The following GCA variants were observed in gnomAD, a reference collection of about 807,000 sequenced individuals.
GCA encodes grancalcin, EF-hand calcium-binding protein.
GCA carries 30 observed loss-of-function variants against 32.6 expected under a neutral mutation model. The observed-to-expected ratio is 0.92, with a 90% confidence interval of 0.69 to 1.25. GCA has a LOEUF of 1.25. GCA is among the 50% of genes most tolerant of loss of function. The pLI is 0.00. For synonymous variants in GCA, 102 were observed against 84.6 expected (o/e 1.21, Z -1.13); for missense variants, 291 against 266.8 (o/e 1.09, Z -0.63).
At chr2:162,319,997 G>A (rs530811198) in intron 1 of GCA, among the ~76,000 whole-genome samples, 2 of 152,114 alleles carry the variant, frequency 1.3e-5, no homozygotes, top group African/African-American at 4.8e-5. Context: ...ATCTTATGTA[G>A]CAAGGCTTTT....
intron 7 of GCA, among the ~76,000 whole-genome samples, chr2:162,359,787 AT>A (rs1413290454): frequency 6.6e-6 from 1 of 151,134 alleles, no homozygotes; most frequent in Non-Finnish European, 1.5e-5. Flanking sequence ...GGTTTTTTGA[AT>A]TAAAAAAAAA....
At chr2:162,350,805 G>A (rs76502311) in intron 2 of GCA, among the ~76,000 whole-genome samples, 1 of 152,048 alleles carries the variant, frequency 6.6e-6, no homozygotes, top group African/African-American at 2.4e-5. Context: ...TTCCCTACTT[G>A]ACAGGTAGAT....
chr2:162,340,966 C>G (rs1209115026), upstream of GCA, among the ~76,000 whole-genome samples: 3 of 152,060 alleles, frequency 2.0e-5, no homozygotes, highest in Non-Finnish European at 2.9e-5. Context: ...TTAACCTTGA[C>G]TTAGGTTTCC....
chr2:162,354,300 T>A (rs1460713049), intron 3 of GCA, among the ~76,000 whole-genome samples: 1 of 152,172 alleles, frequency 6.6e-6, no homozygotes, highest in Non-Finnish European at 1.5e-5. Context: ...GGTGTCAGTA[T>A]CTTTAGGGAT....
downstream of GCA, chr2:162,371,683 A>G (rs913353313): frequency 6.8e-6 from 6 of 888,360 alleles, no homozygotes; most frequent in African/African-American, 1.0e-4. Flanking sequence ...TTACCTTACA[A>G]GCTTCAATTT....
At chr2:162,322,328 T>G (rs973837039) in intron 1 of GCA, among the ~76,000 whole-genome samples, 5 of 151,646 alleles carry the variant, frequency 3.3e-5, no homozygotes, top group Admixed American at 6.6e-5. Flanking sequence ...CCTGCAAATG[T>G]TTTTGTGAAA....
intron 2 of GCA, among the ~76,000 whole-genome samples, chr2:162,350,329 A>G (rs543536105): frequency 1.6e-4 from 24 of 152,306 alleles, no homozygotes; most frequent in Non-Finnish European, 2.2e-4. Flanking sequence ...ATAAAGACCT[A>G]TAGATAGGGA....
downstream of GCA, among the ~76,000 whole-genome samples, chr2:162,372,768 A>G (rs975448387): frequency 2.0e-5 from 3 of 152,160 alleles, no homozygotes; most frequent in Admixed American, 1.3e-4. Flanking sequence ...CAATTTCACC[A>G]TAATGTTTAA....
Position 162,362,392 on chromosome 2 carries a change from A to C in GCA, c.*2149A>C. 1.0e-6 allele frequency: 1 copy of C among 976,486 alleles called. No individual in the cohort carries two copies. Among genetic ancestry groups the C allele is most frequent in the Middle Eastern group, 5.3e-4 (1 of 1,904 alleles). The allele number at this position is 976,486 out of a possible 1,614,324, so 60.5% of individuals were successfully genotyped here. On this transcript the variant is annotated 3_prime_UTR_variant, in exon 8 of 8. Coordinates refer to ENST00000437150, the MANE Select transcript of GCA (RefSeq NM_012198.5). The stretch of plus-strand genomic sequence containing the variant: ...TAGAGAATATTTTACCAGAATTTTT[A>C]TACTGAAATACAGTTCACTTTTTCG...
chr2:162,373,728 A>G, downstream of GCA: 1 of 1,185,130 alleles, frequency 8.4e-7, no homozygotes, highest in Non-Finnish European at 1.1e-6. Flanking sequence ...AGCATTTAAA[A>G]AAATTTCAGC....
chr2:162,322,243 A>G (rs1373214866), intron 1 of GCA, among the ~76,000 whole-genome samples: 1 of 151,536 alleles, frequency 6.6e-6, no homozygotes, highest in African/African-American at 2.4e-5. Flanking sequence ...AAAGTCACGT[A>G]TCAATAGATA....
Position 162,356,966 on chromosome 2 carries a change from A to G in GCA, c.454+61A>G, listed in dbSNP as rs113326563. ...TAATCTTTGTTCTTTGATTAGATGA[A>G]CTTAATTGCTTCAATTTACTAACTA... On this transcript the variant is annotated intron_variant, in intron 5 of 7. Coordinates refer to ENST00000437150, the MANE Select transcript of GCA (RefSeq NM_012198.5). 12 of 1,163,496 alleles carry G rather than the reference A, an allele frequency of 1.0e-5. No homozygotes were observed. In the African/African-American group the frequency reaches 1.2e-4, roughly 12 times the overall value. 72.1% of individuals were successfully genotyped at this position (1,163,496 alleles called of 1,614,324 possible).
chr2:162,352,354 C>A lies in GCA; in HGVS notation c.209C>A (p.Ala70Asp). ...AVAGQDGEVD[A>D]EELQRCLTQS... ...TTTAAACAGGATGGTGAAGTGGATG[C>A]TGAAGAACTTCAGAGATGTTTGACA... is the stretch of plus-strand genomic sequence containing the variant. The change falls in exon 3 of 8, where the codon GCT (alanine) becomes GAT (aspartate). Residue 70 changes from alanine (A) to aspartate (D), a missense_variant. Transcript: ENST00000437150. 2 of 1,581,872 alleles carry A rather than the reference C, an allele frequency of 1.3e-6. No individual in the cohort carries two copies. The highest frequency in any genetic ancestry group is 1.7e-6 in the Non-Finnish European group (2 of 1,150,948).
upstream of GCA, among the ~76,000 whole-genome samples, chr2:162,339,792 C>G (rs1684381239): frequency 6.6e-6 from 1 of 152,174 alleles, no homozygotes; most frequent in African/African-American, 2.4e-5. Flanking sequence ...TTGTGGGCAG[C>G]TTGATCTTGG....
downstream of GCA, among the ~76,000 whole-genome samples, chr2:162,367,540 A>G (rs1685792369): frequency 6.6e-6 from 1 of 151,954 alleles, no homozygotes; most frequent in South Asian, 2.1e-4. Flanking sequence ...AGATATGTTT[A>G]TAACAAGGAG....
In GCA at chr2:162,360,484, AT is replaced by A. The variant is rs1456407628; in HGVS notation, c.*243del. On this transcript the variant is annotated 3_prime_UTR_variant, in exon 8 of 8. Coordinates refer to ENST00000437150, the MANE Select transcript of GCA (RefSeq NM_012198.5). ...AAATATGTGCATATTGTCATAAAAT[AT>A]TGTATGATTAATTGATTTAAATAAT... 1.0e-6 allele frequency: 1 copy of A among 980,988 alleles called. No homozygotes were observed. Among genetic ancestry groups the A allele is most frequent in the African/African-American group, 1.7e-5 (1 of 58,662 alleles). 60.8% of individuals were successfully genotyped at this position (980,988 alleles called of 1,614,324 possible).
chr2:162,349,883 A>G (rs961943171), intron 2 of GCA, among the ~76,000 whole-genome samples: 1 of 152,184 alleles, frequency 6.6e-6, no homozygotes, highest in African/African-American at 2.4e-5. Flanking sequence ...AGATTTATTG[A>G]TGTAGGTAGA....
rs1685506182 is a variant in GCA, at chr2:162,360,218, T to A, written c.629T>A (p.Phe210Tyr). ...ATAATAATTTCACTTATGTATTAGT[T>A]TTTGCAGGGCACTATGGCAATTTGA... The part of the protein sequence containing the change: ...QGSANFIYDD[F>Y]LQGTMAI The change falls in exon 8 of 8, where the codon TTT becomes TAT. Residue 210 changes from phenylalanine to tyrosine, a missense_variant and splice_region_variant. Phe to Tyr is a conservative substitution (Grantham distance 22). Coordinates refer to ENST00000437150, the MANE Select transcript of GCA (RefSeq NM_012198.5). The A allele has an allele frequency of 6.5e-7, 1 of 1,536,796 alleles. No homozygotes were observed. Among genetic ancestry groups the A allele is most frequent in the African/African-American group, 1.4e-5 (1 of 72,520 alleles).
intron 4 of GCA, 22 bp from the exon 5 acceptor site, chr2:162,356,736 T>C (rs1685291363): frequency 1.3e-6 from 2 of 1,568,028 alleles, no homozygotes; most frequent in Admixed American, 3.5e-5. Context: ...TCAGAATTTA[T>C]TTTTGTTAAT....
Sources: gnomAD v4.1 joint callset for allele counts (sites outside exome capture counted in the v4.1 genomes callset) on GRCh38, gnomAD v4.1.1 for gene constraint, MANE v1.5 for transcripts, NCBI Gene and HGNC (gene_info 2026-07-23, HGNC 2026-07-21) for gene names.